Variants in GPBP1 observed in about 807,000 individuals in gnomAD.
GPBP1 encodes GC-rich promoter binding protein 1, also known as vasculin.
GPBP1 carries 13 observed loss-of-function variants against 56.5 expected under a neutral mutation model. That is an observed-to-expected ratio of 0.23 (90% CI 0.15 to 0.37). GPBP1 has a LOEUF of 0.37. Among genes scored for constraint, GPBP1 ranks in the 10% least tolerant of loss-of-function variants. The pLI is 1.00. For synonymous variants in GPBP1, 204 were observed against 188.9 expected (o/e 1.08, Z -0.66); for missense variants, 477 against 572.3 (o/e 0.83, Z 1.70).
intron 2 of GPBP1, among the ~76,000 whole-genome samples, chr5:57,195,834 C>T (rs562685890): frequency 1.5e-4 from 23 of 151,910 alleles, no homozygotes; most frequent in Non-Finnish European, 3.1e-4. Context: ...GAAACCCCGT[C>T]TCTACTAAAA....
intron 10 of GPBP1, among the ~76,000 whole-genome samples, chr5:57,257,982 T>C (rs986117272): frequency 6.6e-6 from 1 of 152,186 alleles, no homozygotes; most frequent in African/African-American, 2.4e-5. Flanking sequence ...TGTCTTATAC[T>C]TGGTTTGTGA....
intron 8 of GPBP1, among the ~76,000 whole-genome samples, chr5:57,247,694 G>C (rs1741157998): frequency 6.6e-6 from 1 of 152,100 alleles, no homozygotes. Flanking sequence ...CAAAAGTGGT[G>C]GCAGAGTGGG....
rs572045853 is a variant in GPBP1, at chr5:57,238,755, G to T, written c.478+2723G>T. 7.2e-5 allele frequency among the ~76,000 whole-genome samples: 11 copies of T among 152,140 alleles called. No homozygotes were observed. In the South Asian group the frequency reaches 2.1e-3, roughly 29 times the overall value. On this transcript the variant is annotated intron_variant, in intron 6 of 11. Transcript: ENST00000506184. ...TTAAGCATGGTCTTCTTCCAACTCA[G>T]CATTTATATATTTTTTCAGCTCCTT...
chr5:57,180,375 C>T (rs142485033), intron 2 of GPBP1, among the ~76,000 whole-genome samples: 2,339 of 152,290 alleles, frequency 0.015, 138 homozygotes, highest in East Asian at 0.097. Flanking sequence ...CTGCCTCAGC[C>T]TCCCAAAGTG....
intron 1 of GPBP1, among the ~76,000 whole-genome samples, chr5:57,174,934 A>G (rs2111679848): frequency 6.6e-6 from 1 of 152,076 alleles, no homozygotes; most frequent in East Asian, 1.9e-4. Flanking sequence ...CTTCTAGTTC[A>G]CCTTTCTGGC....
chr5:57,180,063 C>G (rs1054358830), intron 2 of GPBP1, among the ~76,000 whole-genome samples: 19 of 152,128 alleles, frequency 1.2e-4, no homozygotes, highest in African/African-American at 4.6e-4. Flanking sequence ...AGGAGGACTT[C>G]TAATCTGAAA....
chr5:57,187,667 C>G (rs891560922), intron 2 of GPBP1, among the ~76,000 whole-genome samples: 1 of 152,092 alleles, frequency 6.6e-6, no homozygotes, highest in African/African-American at 2.4e-5. Context: ...AATTCTTGCT[C>G]TATAAAATAG....
chr5:57,242,875 G>A (rs10461622), intron 6 of GPBP1, among the ~76,000 whole-genome samples: 4,019 of 150,990 alleles, frequency 0.027, 116 homozygotes, highest in East Asian at 0.13. Context: ...TCGGCCTCCC[G>A]AGTAGCCGGG....
chr5:57,220,567 C>G (rs1165373164), intron 3 of GPBP1, among the ~76,000 whole-genome samples: 1 of 150,630 alleles, frequency 6.6e-6, no homozygotes, highest in Non-Finnish European at 1.5e-5. Flanking sequence ...TCAAACGATT[C>G]TCCTGCCTCA....
intron 2 of GPBP1, among the ~76,000 whole-genome samples, chr5:57,193,933 C>T (rs1190475916): frequency 6.8e-6 from 1 of 146,794 alleles, no homozygotes; most frequent in Non-Finnish European, 1.5e-5. Flanking sequence ...CCCTTTAATC[C>T]TGTTTCTTAG....
intron 2 of GPBP1, among the ~76,000 whole-genome samples, chr5:57,206,844 C>T (rs1755253853): frequency 6.6e-6 from 1 of 152,118 alleles, no homozygotes; most frequent in African/African-American, 2.4e-5. Flanking sequence ...GTTCTTAGGC[C>T]ATACTACAGT....
chr5:57,216,856 A>G (rs1309162250), intron 3 of GPBP1, among the ~76,000 whole-genome samples: 1 of 125,104 alleles, frequency 8.0e-6, no homozygotes, highest in African/African-American at 3.2e-5. Context: ...GCCTTTTCAT[A>G]TATCTGGAAC....
intron 2 of GPBP1, among the ~76,000 whole-genome samples, chr5:57,200,158 T>C: frequency 7.3e-6 from 1 of 136,620 alleles, no homozygotes; most frequent in African/African-American, 2.7e-5. Flanking sequence ...CCTGCTTCCT[T>C]CCCTTTCCTT....
chr5:57,260,964 G>GTT (rs1741870024), intron 10 of GPBP1, among the ~76,000 whole-genome samples: 1 of 152,144 alleles, frequency 6.6e-6, no homozygotes, highest in African/African-American at 2.4e-5. Context: ...AAGCAGTCAA[G>GTT]GAGTTCATTC....
intron 2 of GPBP1, among the ~76,000 whole-genome samples, chr5:57,207,593 T>C (rs1561338982): frequency 6.6e-6 from 1 of 152,230 alleles, no homozygotes; most frequent in Non-Finnish European, 1.5e-5. Context: ...CTCAGTTAGA[T>C]GCCCTGCCTT....
intron 1 of GPBP1, among the ~76,000 whole-genome samples, chr5:57,174,709 C>T (rs1424405456): frequency 6.6e-6 from 1 of 152,198 alleles, no homozygotes; most frequent in Non-Finnish European, 1.5e-5. Flanking sequence ...CTACTTTGTT[C>T]CTTTGAGTCC....
At chr5:57,243,092 G>T (rs910770347) in intron 6 of GPBP1, among the ~76,000 whole-genome samples, 2 of 151,120 alleles carry the variant, frequency 1.3e-5, no homozygotes, top group African/African-American at 4.9e-5. Flanking sequence ...TTTTGAGATG[G>T]AGTGTCACTC....
At chr5:57,257,457 G>C (rs1741715691) in intron 10 of GPBP1, among the ~76,000 whole-genome samples, 1 of 152,180 alleles carries the variant, frequency 6.6e-6, no homozygotes, top group Non-Finnish European at 1.5e-5. Flanking sequence ...GGGTATCGAG[G>C]TAGCCTCAAC....
chr5:57,247,978 A>G (rs1159268237), intron 8 of GPBP1, among the ~76,000 whole-genome samples: 1 of 152,160 alleles, frequency 6.6e-6, no homozygotes, highest in Non-Finnish European at 1.5e-5. Flanking sequence ...CCTGGTGTCA[A>G]GTGATCCTCT....
Sources: allele counts gnomAD v4.1 joint callset (sites outside exome capture counted in the v4.1 genomes callset), GRCh38; gene constraint gnomAD v4.1.1; transcripts MANE v1.5; gene names NCBI Gene and HGNC (gene_info 2026-07-23, HGNC 2026-07-21).